AGAP5: variants seen among roughly 807,000 people sequenced by gnomAD.
AGAP5 encodes the protein arf-GAP with GTPase, ANK repeat and PH domain-containing protein 5.
In AGAP5, 8 loss-of-function variants were observed where a neutral mutation model predicts 27.7. That is an observed-to-expected ratio of 0.29 (90% CI 0.17 to 0.52). The LOEUF (loss-of-function observed/expected upper bound fraction) is 0.52, where lower values mean the gene tolerates loss of function less well. Among genes scored for constraint, AGAP5 ranks in the 20% least tolerant of loss-of-function variants. The pLI is 0.97. For missense variants in AGAP5, 285 were observed against 880.8 expected (o/e 0.32, Z 8.56); for synonymous variants, 111 against 338.0 (o/e 0.33, Z 7.37).
chr10:73,677,248 G>T (rs79015444), intron 6 of AGAP5, among the ~76,000 whole-genome samples: 28 of 145,884 alleles, frequency 1.9e-4, no homozygotes, highest in African/African-American at 3.8e-4. Flanking sequence ...CAGTCTTTGA[G>T]GAACTTTAAA....
At chr10:73,686,474 A>G (rs182857059) in intron 4 of AGAP5, among the ~76,000 whole-genome samples, 1 of 152,306 alleles carries the variant, frequency 6.6e-6, no homozygotes, top group Non-Finnish European at 1.5e-5. Context: ...CATTGGAAAA[A>G]CCCGTCTAGA....
At chr10:73,693,560 G>A (rs2082136513) in intron 3 of AGAP5, among the ~76,000 whole-genome samples, 1 of 151,928 alleles carries the variant, frequency 6.6e-6, no homozygotes, top group South Asian at 2.1e-4. Context: ...TTAGCCAGGT[G>A]TTATTGTGCC....
At chr10:73,686,186 C>T (rs1023643454) in intron 4 of AGAP5, among the ~76,000 whole-genome samples, 8 of 152,084 alleles carry the variant, frequency 5.3e-5, no homozygotes, top group South Asian at 2.1e-4. Flanking sequence ...CAAAATAGCA[C>T]GGTACTGATA....
chr10:73,697,695 G>C lies in AGAP5; in HGVS notation c.61C>G (p.Gln21Glu). The C allele has an allele frequency of 6.3e-7, 1 of 1,598,798 alleles. No individual in the cohort carries two copies. Among genetic ancestry groups the C allele is most frequent in the Non-Finnish European group, 8.5e-7 (1 of 1,179,804 alleles). Residue 21 changes from glutamine (Q) to glutamate (E), a missense_variant, in exon 1 of 8, where the codon CAG becomes GAG. Physicochemically the swap from Gln to Glu is conservative, Grantham distance 29. Coordinates refer to ENST00000374094, the MANE Select transcript of AGAP5 (RefSeq NM_001144000.4). ...PSVSLEFDQQ[Q>E]GSVCPSESEI... is the part of the protein sequence containing the mutation. ...GATTCAGAGGGACACACCGACCCCT[G>C]TTGCTGGTCAAACTCGAGGCTGACG...
intron 7 of AGAP5, among the ~76,000 whole-genome samples, chr10:73,676,440 C>T (rs1222114371): frequency 4.2e-5 from 6 of 141,518 alleles, no homozygotes; most frequent in South Asian, 2.3e-4. Context: ...GAGCCAAGAT[C>T]GCGCGATTGC....
At position 73,675,959 on chromosome 10, in the gene AGAP5, G is replaced by A; in HGVS notation, c.701C>T (p.Pro234Leu). ...TSQEDPQFSV[P>L]PTANTPTPVC... is the part of the protein sequence containing the mutation. ...GGGGGTGGGTGTGTTGGCAGTGGGAGGAACACTGAACTGAGGGTCCTCCTG... is the reference window on the plus strand; with the variant it reads ...GGGGGTGGGTGTGTTGGCAGTGGGAAGAACACTGAACTGAGGGTCCTCCTG... Residue 234 changes from proline to leucine, a missense_variant, in exon 8 of 8, where the codon CCT becomes CTT. Transcript: ENST00000374094. 6.2e-7 allele frequency: 1 copy of A among 1,612,788 alleles called. No individual in the cohort carries two copies. Among genetic ancestry groups the A allele is most frequent in the Non-Finnish European group, 8.5e-7 (1 of 1,179,366 alleles).
chr10:73,687,413 C>T (rs1336292464), intron 4 of AGAP5, among the ~76,000 whole-genome samples: 1 of 152,184 alleles, frequency 6.6e-6, no homozygotes, highest in Non-Finnish European at 1.5e-5. Context: ...ACCACCAGGC[C>T]TGGCTAATTT....
At chr10:73,687,162 C>T (rs1427491825) in intron 4 of AGAP5, among the ~76,000 whole-genome samples, 1 of 152,210 alleles carries the variant, frequency 6.6e-6, no homozygotes, top group Non-Finnish European at 1.5e-5. Flanking sequence ...GCATTTTTCT[C>T]AGCAAACATA....
intron 6 of AGAP5, among the ~76,000 whole-genome samples, chr10:73,677,624 G>T (rs1412311416): frequency 2.0e-5 from 3 of 151,820 alleles, no homozygotes; most frequent in Non-Finnish European, 2.9e-5. Flanking sequence ...AACCTCAGGC[G>T]ATCCACTTGC....
Position 73,675,274 on chromosome 10 carries a change from G to T in AGAP5, c.1386C>A (p.Ser462Arg). 1 of 1,611,278 alleles carries T rather than the reference G, an allele frequency of 6.2e-7. No individual in the cohort carries two copies. The highest frequency in any genetic ancestry group is 1.3e-5 in the African/African-American group (1 of 74,630). Residue 462 changes from serine to arginine, a missense_variant, in exon 8 of 8, where the codon AGC (serine) becomes AGA (arginine). By Grantham distance (110) the Ser-to-Arg change is moderately radical. Coordinates refer to ENST00000374094, the MANE Select transcript of AGAP5 (RefSeq NM_001144000.4). The stretch of plus-strand genomic sequence containing the variant: ...GGATCGACTGCAGGGCCATGGCCTC[G>T]CTCTGGCTGGTCAGCTGGGACTTGC... ...SKSKSQLTSQ[S>R]EAMALQSIQN...
chr10:73,687,104 T>C (rs965544362), intron 4 of AGAP5, among the ~76,000 whole-genome samples: 1 of 152,124 alleles, frequency 6.6e-6, no homozygotes, highest in African/African-American at 2.4e-5. Context: ...AAATGCCACC[T>C]GTTCCCCCAG....
At chr10:73,690,664 A>T (rs1430754739) in intron 4 of AGAP5, among the ~76,000 whole-genome samples, 4 of 152,054 alleles carry the variant, frequency 2.6e-5, no homozygotes, top group African/African-American at 7.2e-5. Flanking sequence ...CATAAAATTT[A>T]GATTCAACCT....
chr10:73,676,321 G>GA lies in AGAP5; in HGVS notation c.586-248dup, dbSNP rs2081979408. Among the ~76,000 whole-genome samples the GA allele has an allele frequency of 3.9e-4, 52 of 132,414 alleles. 2 individuals carry two copies. The South Asian group carries it at 0.012, about 30-fold the overall frequency. 86.9% of individuals were successfully genotyped at this position (132,414 alleles called of 152,430 possible). A position where few individuals can be genotyped will look rare whatever the true frequency, so the allele number is the denominator to read the frequency against. ...AAAAAAAAAAAAAGAAAAGAAAAAAGAAAAAAAAATTAGCTGGGCATGGTG... is the reference window on the plus strand; with the variant it reads ...AAAAAAAAAAAAAGAAAAGAAAAAAGAAAAAAAAAATTAGCTGGGCATGGTG... On this transcript the variant is annotated intron_variant, in intron 7 of 7. Coordinates refer to ENST00000374094, the MANE Select transcript of AGAP5 (RefSeq NM_001144000.4).
chr10:73,692,598 CG>C (rs1229326714), intron 3 of AGAP5, among the ~76,000 whole-genome samples: 6 of 150,236 alleles, frequency 4.0e-5, no homozygotes, highest in African/African-American at 1.2e-4. Context: ...AATTAAAAAA[CG>C]GTCTTTACAC....
At chr10:73,683,352 C>CAAAAAAA (rs1200419065) in intron 4 of AGAP5, among the ~76,000 whole-genome samples, 1 of 21,356 alleles carries the variant, frequency 4.7e-5, no homozygotes, top group Non-Finnish European at 9.8e-5. Flanking sequence ...GACTCCGTCT[C>CAAAAAAA]AAAAAAAAAA....
Position 73,675,493 on chromosome 10 carries a change from G to A in AGAP5, c.1167C>T (p.Leu389=), listed in dbSNP as rs1310231409. Residue 389 remains leucine (L), a synonymous_variant, in exon 8 of 8, where the codon CTC becomes CTT. Coordinates refer to ENST00000374094, the MANE Select transcript of AGAP5 (RefSeq NM_001144000.4). ...TGGCATGAGGAGAGGGGGGCGGGTT[G>A]AGCTTGGGGCTGGTGGTGCTGGAGA... ...PSISSTTSPK[L]NPPPSPHANK... 1.9e-6 allele frequency: 3 copies of A among 1,613,458 alleles called. No homozygotes were observed. Among genetic ancestry groups the A allele is most frequent in the Non-Finnish European group, 2.5e-6 (3 of 1,179,550 alleles).
intron 6 of AGAP5, among the ~76,000 whole-genome samples, chr10:73,677,401 T>G (rs2081989028): frequency 1.9e-5 from 2 of 106,774 alleles, no homozygotes; most frequent in Non-Finnish European, 4.0e-5. Flanking sequence ...TTTTTTTTTT[T>G]TGAGACCAAG....
chr10:73,682,005 T>G, intron 5 of AGAP5: 1 of 985,304 alleles, frequency 1.0e-6, no homozygotes, highest in Non-Finnish European at 1.2e-6. Flanking sequence ...AAAAGGCTAG[T>G]GCATCTGAAA....
intron 6 of AGAP5, among the ~76,000 whole-genome samples, chr10:73,679,856 A>G (rs1159691059): frequency 1.3e-5 from 2 of 152,248 alleles, no homozygotes; most frequent in African/African-American, 4.8e-5. Flanking sequence ...CACACTAAAT[A>G]TCAATATAAT....
Sources: gnomAD v4.1 joint callset for allele counts (sites outside exome capture counted in the v4.1 genomes callset) on GRCh38, gnomAD v4.1.1 for gene constraint, MANE v1.5 for transcripts, NCBI Gene and HGNC (gene_info 2026-07-23, HGNC 2026-07-21) for gene names.